Variants in SPAG9 observed in about 807,000 individuals in gnomAD.
SPAG9 encodes C-Jun-amino-terminal kinase-interacting protein 4.
Under a neutral mutation model 166.5 loss-of-function variants are expected in SPAG9, and 35 were observed. That is an observed-to-expected ratio of 0.21 (90% CI 0.16 to 0.28). SPAG9 has a LOEUF of 0.28. Ranked by LOEUF, SPAG9 falls within the 10% of genes least tolerant of loss-of-function variation. The pLI is 1.00. For synonymous variants in SPAG9, 534 were observed against 565.5 expected, an observed-to-expected ratio of 0.94 and a Z score of 0.79; for missense variants, 1,235 against 1,603.3, an observed-to-expected ratio of 0.77 and a Z score of 3.92.
At chr17:51,086,698 CA>C (rs2048316562) in intron 1 of SPAG9, among the ~76,000 whole-genome samples, 1 of 151,880 alleles carries the variant, frequency 6.6e-6, no homozygotes, top group Admixed American at 6.6e-5. Context: ...TTTGGGAGGC[CA>C]AGGTGGGTGG....
rs552345399 is a variant in SPAG9, at chr17:50,962,990, T to C, written c.*3282A>G. The C allele has an allele frequency of 6.3e-4, 96 of 152,316 alleles. No individual in the cohort carries two copies. Among genetic ancestry groups the C allele is most frequent in the African/African-American group, 2.2e-3 (92 of 41,568 alleles). The allele number at this position is 152,316 out of a possible 1,614,324, so 9.4% of individuals were successfully genotyped here. The stretch of plus-strand genomic sequence containing the variant: ...TAGATCCACATGGGTTAGAGAAAAA[T>C]ACTCTCAAAAGTGAGTTCCTAGAGA... On this transcript the variant is annotated 3_prime_UTR_variant, in exon 30 of 30. Transcript: ENST00000262013.
intron 24 of SPAG9, 126 bp downstream of exon 24, chr17:50,984,797 G>A (rs1974917972): frequency 2.6e-6 from 2 of 763,532 alleles, no homozygotes; most frequent in East Asian, 2.4e-5. Flanking sequence ...ATTTACTGAT[G>A]TTGTGTATTG....
intron 1 of SPAG9, among the ~76,000 whole-genome samples, chr17:51,098,672 T>C (rs1798965039): frequency 6.6e-6 from 1 of 152,078 alleles, no homozygotes; most frequent in African/African-American, 2.4e-5. Context: ...TTCTGTATTT[T>C]TAGTAGAGAC....
At chr17:50,986,917 T>C (rs563066321) in intron 22 of SPAG9, among the ~76,000 whole-genome samples, 195 bp downstream of exon 22, 3 of 152,206 alleles carry the variant, frequency 2.0e-5, no homozygotes, top group Non-Finnish European at 4.4e-5. Flanking sequence ...CAAAGAAACA[T>C]ATGGCTTACT....
intron 5 of SPAG9, among the ~76,000 whole-genome samples, chr17:51,034,566 C>T (rs1039771484): frequency 2.0e-5 from 3 of 152,154 alleles, no homozygotes; most frequent in East Asian, 3.8e-4. Flanking sequence ...GATAGGTTCG[C>T]ATAGCCCACA....
intron 1 of SPAG9, among the ~76,000 whole-genome samples, chr17:51,084,795 T>C (rs1028582123): frequency 2.0e-5 from 3 of 152,118 alleles, no homozygotes; most frequent in African/African-American, 7.2e-5. Flanking sequence ...CAAGTAACAC[T>C]TAAGATGCTG....
chr17:51,102,404 CAAA>C (rs1176687263), intron 1 of SPAG9, among the ~76,000 whole-genome samples: 5 of 80,172 alleles, frequency 6.2e-5, no homozygotes, highest in Admixed American at 1.5e-4. Context: ...ACTCTGTCTG[CAAA>C]AAAAAAAAAA....
chr17:51,030,444 CCTCA>C (rs2046341361), intron 6 of SPAG9, among the ~76,000 whole-genome samples: 1 of 152,160 alleles, frequency 6.6e-6, no homozygotes, highest in African/African-American at 2.4e-5. Flanking sequence ...ACATAGGATC[CCTCA>C]CTATTAACAC....
rs371838587 is a variant in SPAG9 at position 51,077,073 on chromosome 17, T to G, written c.424+2511A>C. 5.5e-3 allele frequency among the ~76,000 whole-genome samples: 634 copies of G among 115,664 alleles called. 4 individuals are homozygous for G. Among genetic ancestry groups the G allele is most frequent in the East Asian group, 0.014 (58 of 4,190 alleles). 75.9% of individuals were successfully genotyped at this position (115,664 alleles called of 152,430 possible). On this transcript the variant is annotated intron_variant, in intron 2 of 29. Coordinates refer to ENST00000262013, the MANE Select transcript of SPAG9 (RefSeq NM_001130528.3). ...ATCTAGCTAGCTATCTAGCTAGCTA[T>G]CTAGCTATCTAGCTAGCTATCTATC...
chr17:51,018,775 A>C lies in SPAG9; in HGVS notation c.1091+1384T>G, dbSNP rs537016886. ...TGGAGTACCCGGCTGCTGGCCCTAA[A>C]ATAAGCATGCTCCATAGCCAACGGT... is the stretch of plus-strand genomic sequence containing the variant. On this transcript the variant is annotated intron_variant, in intron 8 of 29. Transcript: ENST00000262013. 6.6e-5 allele frequency among the ~76,000 whole-genome samples: 10 copies of C among 152,236 alleles called. No homozygotes were observed. The South Asian group carries it at 2.1e-3, about 32-fold the overall frequency.
chr17:51,086,668 C>T (rs2048315505), intron 1 of SPAG9, among the ~76,000 whole-genome samples: 1 of 151,970 alleles, frequency 6.6e-6, no homozygotes, highest in Non-Finnish European at 1.5e-5. Context: ...ATTACAGGCT[C>T]ATGCCTATAA....
chr17:50,995,361 G>T, intron 17 of SPAG9, 83 bp downstream of exon 17: 1 of 1,307,430 alleles, frequency 7.6e-7, no homozygotes. Context: ...CACCATAGAA[G>T]TAATACTTAT....
intron 6 of SPAG9, among the ~76,000 whole-genome samples, chr17:51,024,637 C>T (rs1283947970): frequency 2.0e-5 from 3 of 150,766 alleles, no homozygotes. Flanking sequence ...CACTTGAACC[C>T]AGGAGGCAAA....
chr17:50,997,439 G>A lies in SPAG9; in HGVS notation c.1839-745C>T, dbSNP rs577441206. On this transcript the variant is annotated intron_variant, in intron 15 of 29. Transcript: ENST00000262013. ...CTTGAGTAAATCAATATCTGCTTAG[G>A]AAGATTGATATAGGTTAGATTTTAG... Among the ~76,000 whole-genome samples the A allele has an allele frequency of 7.9e-5, 12 of 152,270 alleles. 1 individual carries two copies. In the South Asian group the frequency reaches 2.5e-3, roughly 32 times the overall value.
chr17:50,972,962 A>G (rs552876520), intron 28 of SPAG9, among the ~76,000 whole-genome samples: 1 of 152,370 alleles, frequency 6.6e-6, no homozygotes, highest in Admixed American at 6.5e-5. Flanking sequence ...TTACACATGC[A>G]CACAAGAAGG....
chr17:51,053,301 A>T (rs1421544065), intron 3 of SPAG9, among the ~76,000 whole-genome samples: 3 of 151,814 alleles, frequency 2.0e-5, no homozygotes, highest in Non-Finnish European at 4.4e-5. Context: ...AAGGTAGGAG[A>T]TCACTTGAGC....
intron 1 of SPAG9, chr17:51,084,280 T>C (rs2048247540): frequency 6.6e-6 from 1 of 152,176 alleles, no homozygotes; most frequent in Non-Finnish European, 1.5e-5. Flanking sequence ...TGCCTTGATA[T>C]ATAAGCAAAG....
chr17:50,985,763 T>C lies in SPAG9; in HGVS notation c.2955A>G (p.Ser985=). 6.2e-7 allele frequency: 1 copy of C among 1,603,376 alleles called. No homozygotes were observed. Among genetic ancestry groups the C allele is most frequent in the Non-Finnish European group, 8.5e-7 (1 of 1,171,018 alleles). ...GAQNGCLYVH[S]SVAQWRKCLH... ...GACATTTCCTCCACTGGGCTACAGA[T>C]GAATGGACATACAAACTGTAAGAAC... is the stretch of plus-strand genomic sequence containing the variant. The change falls in exon 23 of 30, where the codon TCA becomes TCG. Residue 985 remains serine (S), a synonymous_variant. Coordinates refer to ENST00000262013, the MANE Select transcript of SPAG9 (RefSeq NM_001130528.3).
chr17:51,076,186 C>T (rs1225763753), intron 2 of SPAG9, among the ~76,000 whole-genome samples: 4 of 152,018 alleles, frequency 2.6e-5, no homozygotes, highest in African/African-American at 9.7e-5. Flanking sequence ...CTTTGGGAGG[C>T]CGAGGCGGGC....
Sources: allele counts gnomAD v4.1 joint callset (sites outside exome capture counted in the v4.1 genomes callset), GRCh38; gene constraint gnomAD v4.1.1; transcripts MANE v1.5; gene names NCBI Gene and HGNC (gene_info 2026-07-23, HGNC 2026-07-21).